The following NUP160 variants were observed in gnomAD, a reference collection of about 807,000 sequenced individuals.
The protein encoded by NUP160 is nucleoporin 160, also known as nuclear pore complex protein Nup160.
A neutral mutation model predicts 196.9 loss-of-function variants in NUP160; 94 were observed. The ratio of observed to expected loss-of-function variants is 0.48; its 90% CI spans 0.40 to 0.57. NUP160 has a LOEUF of 0.57. Ranked by LOEUF, NUP160 falls within the 20% of genes least tolerant of loss-of-function variation. The probability of loss-of-function intolerance (pLI) is 0.00; values close to 1 mark genes in which losing one functional copy is unlikely to be tolerated. For synonymous variants in NUP160, 605 were observed against 619.7 expected (o/e 0.98, Z 0.35); for missense variants, 1,638 against 1,748.3 (o/e 0.94, Z 1.13).
At chr11:47,808,623 A>C in intron 17 of NUP160, 94 bp from the exon 18 acceptor site, 2 of 1,023,762 alleles carry the variant, frequency 2.0e-6, no homozygotes, top group Non-Finnish European at 2.8e-6. Context: ...AAAATAACAA[A>C]TACAAAGGTC....
intron 29 of NUP160, among the ~76,000 whole-genome samples, chr11:47,791,453 C>T (rs2097667848): frequency 6.6e-6 from 1 of 152,196 alleles, no homozygotes. Context: ...AATTCTCCTG[C>T]CTCAGCCTCC....
At chr11:47,825,635 T>C (rs193087106) in intron 7 of NUP160, among the ~76,000 whole-genome samples, 222 of 152,186 alleles carry the variant, frequency 1.5e-3, no homozygotes, top group African/African-American at 4.9e-3. Context: ...CGTATTTTAG[T>C]AGAGACAGGG....
At chr11:47,786,392 G>A (rs2097664539) in intron 32 of NUP160, 61 bp downstream of exon 32, 2 of 1,029,016 alleles carry the variant, frequency 1.9e-6, no homozygotes, top group Non-Finnish European at 3.0e-6. Context: ...TTTAGTCAGA[G>A]AAAGACAGTT....
exon 12 of NUP160, chr11:47,815,962 A>G: frequency 6.2e-7 from 1 of 1,613,118 alleles, no homozygotes; most frequent in Non-Finnish European, 8.5e-7. Context: ...TTCAACAGCT[A>G]AAGTAACTTC....
chr11:47,781,057 T>G (rs1368927581), intron 34 of NUP160, among the ~76,000 whole-genome samples: 2 of 151,608 alleles, frequency 1.3e-5, no homozygotes, highest in African/African-American at 4.8e-5. Context: ...AAACCCCGTC[T>G]CTACTAAAAA....
chr11:47,825,475 C>T (rs1222973277), intron 7 of NUP160, among the ~76,000 whole-genome samples: 7 of 131,328 alleles, frequency 5.3e-5, no homozygotes, highest in African/African-American at 1.5e-4. Context: ...TTTTTTGAGA[C>T]GGAGTATCGC....
intron 34 of NUP160, among the ~76,000 whole-genome samples, 195 bp downstream of exon 34, chr11:47,782,878 C>T (rs1387987077): frequency 6.6e-6 from 1 of 152,122 alleles, no homozygotes; most frequent in South Asian, 2.1e-4. Flanking sequence ...AAACTGGTTT[C>T]GAACTCCTGA....
At chr11:47,785,012 T>C in exon 33 of NUP160, 2 of 1,602,532 alleles carry the variant, frequency 1.2e-6, no homozygotes, top group Non-Finnish European at 1.7e-6. Context: ...TATTCTGGAC[T>C]TTGTACCTCT....
chr11:47,812,831 A>C (rs2097681949), intron 15 of NUP160, 51 bp downstream of exon 15: 2 of 1,522,312 alleles, frequency 1.3e-6, no homozygotes, highest in African/African-American at 2.8e-5. Flanking sequence ...CTTTGGCGCT[A>C]AAAATGCTGA....
intron 22 of NUP160, among the ~76,000 whole-genome samples, chr11:47,802,912 G>A (rs1394102932): frequency 2.6e-5 from 4 of 152,074 alleles, no homozygotes; most frequent in Non-Finnish European, 5.9e-5. Flanking sequence ...TTGAGCCCAG[G>A]AGGTTGAGGC....
At chr11:47,836,934 T>G in exon 6 of NUP160, 4 of 1,613,748 alleles carry the variant, frequency 2.5e-6, no homozygotes, top group Non-Finnish European at 3.4e-6. Context: ...AAAGCAAAGA[T>G]GAAGGCATCA....
chr11:47,794,730 T>C (rs368990065), intron 27 of NUP160, among the ~76,000 whole-genome samples: 1 of 151,930 alleles, frequency 6.6e-6, no homozygotes. Flanking sequence ...CAACACATGG[T>C]GAAACCCTCT....
At chr11:47,848,527 T>C, upstream of NUP160, 2 of 899,094 alleles carry the variant, frequency 2.2e-6, no homozygotes, top group Non-Finnish European at 1.6e-6. Flanking sequence ...GGAGGCAGAC[T>C]CTATCTGCGG....
At chr11:47,842,487 C>G (rs1852325322) in intron 2 of NUP160, among the ~76,000 whole-genome samples, 1 of 152,112 alleles carries the variant, frequency 6.6e-6, no homozygotes, top group African/African-American at 2.4e-5. Flanking sequence ...CTACCATGCC[C>G]TTTGGGGTGG....
At chr11:47,832,323 C>A (rs1047593477) in intron 7 of NUP160, among the ~76,000 whole-genome samples, 1 of 152,130 alleles carries the variant, frequency 6.6e-6, no homozygotes, top group Non-Finnish European at 1.5e-5. Context: ...CAAAACCAAA[C>A]CACCTTGGTA....
At chr11:47,819,329 T>TAA in intron 10 of NUP160, 45 bp downstream of exon 10, 1 of 1,244,144 alleles carries the variant, frequency 8.0e-7, no homozygotes, top group Non-Finnish European at 1.2e-6. Flanking sequence ...AAAAAAAAGA[T>TAA]CAAAGTAAAT....
At chr11:47,780,972 A>G (rs533599776) in intron 34 of NUP160, among the ~76,000 whole-genome samples, 1 of 152,054 alleles carries the variant, frequency 6.6e-6, no homozygotes, top group South Asian at 2.1e-4. Flanking sequence ...TGGGCCTGTA[A>G]TTCCAACGTT....
chr11:47,817,308 G>A (rs1484685727), intron 11 of NUP160, among the ~76,000 whole-genome samples: 3 of 151,302 alleles, frequency 2.0e-5, no homozygotes, highest in African/African-American at 4.9e-5. Flanking sequence ...TAAAGCACTG[G>A]GCTTCTCTTA....
At chr11:47,811,268 G>C (rs2097680935) in intron 17 of NUP160, among the ~76,000 whole-genome samples, 1 of 152,112 alleles carries the variant, frequency 6.6e-6, no homozygotes, top group East Asian at 1.9e-4. Context: ...CAGCACTTTG[G>C]GAGGCCGAGG....
Sources: allele counts gnomAD v4.1 joint callset (sites outside exome capture counted in the v4.1 genomes callset), GRCh38; gene constraint gnomAD v4.1.1; transcripts MANE v1.5; gene names NCBI Gene and HGNC (gene_info 2026-07-23, HGNC 2026-07-21).